The following MAGI2 variants were observed in gnomAD, a reference collection of about 807,000 sequenced individuals.
MAGI2 encodes the protein membrane associated guanylate kinase, WW and PDZ domain containing 2.
Under a neutral mutation model 133.3 loss-of-function variants are expected in MAGI2, and 35 were observed. That is an observed-to-expected ratio of 0.26 (90% CI 0.20 to 0.35). MAGI2 has a LOEUF of 0.35. MAGI2 is among the 10% of genes least tolerant of loss of function. MAGI2 has a pLI of 1.00. For synonymous variants in MAGI2, 729 were observed against 710.6 expected, an observed-to-expected ratio of 1.03 and a Z score of -0.41; for missense variants, 1,636 against 1,863.4, an observed-to-expected ratio of 0.88 and a Z score of 2.25.
intron 6 of MAGI2, among the ~76,000 whole-genome samples, chr7:78,418,678 C>T (rs2151394678): frequency 6.6e-6 from 1 of 152,198 alleles, no homozygotes; most frequent in African/African-American, 2.4e-5. Flanking sequence ...GCTATGAAAA[C>T]CAATCTCCTT....
intron 2 of MAGI2, among the ~76,000 whole-genome samples, chr7:78,757,318 T>C (rs1364443384): frequency 6.6e-6 from 1 of 150,592 alleles, no homozygotes; most frequent in Non-Finnish European, 1.5e-5. Context: ...TCTCTCTCTC[T>C]CTCTCTCTCC....
At chr7:78,267,035 C>A (rs553158183) in intron 9 of MAGI2, among the ~76,000 whole-genome samples, 1 of 152,236 alleles carries the variant, frequency 6.6e-6, no homozygotes, top group South Asian at 2.1e-4. Flanking sequence ...GCTGCTTGGT[C>A]GGAGAAGTGC....
At chr7:78,975,295 T>G (rs1804150164) in intron 2 of MAGI2, among the ~76,000 whole-genome samples, 1 of 151,758 alleles carries the variant, frequency 6.6e-6, no homozygotes, top group Non-Finnish European at 1.5e-5. Flanking sequence ...AAATGCACTT[T>G]AATAAAATGA....
intron 2 of MAGI2, among the ~76,000 whole-genome samples, chr7:78,644,974 G>T (rs565401418): frequency 5.3e-5 from 8 of 152,170 alleles, no homozygotes; most frequent in African/African-American, 1.7e-4. Context: ...GATATTAATG[G>T]TATATTATAA....
intron 2 of MAGI2, among the ~76,000 whole-genome samples, chr7:78,786,116 G>T (rs1275549129): frequency 6.6e-6 from 1 of 151,450 alleles, no homozygotes; most frequent in Non-Finnish European, 1.5e-5. Context: ...CTGTTAAAAG[G>T]AGCTCCATGT....
intron 2 of MAGI2, among the ~76,000 whole-genome samples, chr7:78,764,986 A>G (rs941905521): frequency 3.3e-5 from 5 of 152,232 alleles, no homozygotes; most frequent in African/African-American, 1.2e-4. Flanking sequence ...CTAAAGGATG[A>G]TCAGAGTGGG....
chr7:78,965,799 T>C (rs1803259985), intron 2 of MAGI2, among the ~76,000 whole-genome samples: 1 of 152,086 alleles, frequency 6.6e-6, no homozygotes, highest in Non-Finnish European at 1.5e-5. Flanking sequence ...CTTGAGCTTT[T>C]AAAATAACTC....
chr7:78,272,443 A>T (rs1262625299), intron 9 of MAGI2, among the ~76,000 whole-genome samples: 2 of 152,184 alleles, frequency 1.3e-5, no homozygotes, highest in Admixed American at 6.5e-5. Context: ...AGTTCTGTAG[A>T]TGTCTATTAG....
At chr7:78,835,779 TG>T (rs1268491537) in intron 2 of MAGI2, among the ~76,000 whole-genome samples, 1 of 152,214 alleles carries the variant, frequency 6.6e-6, no homozygotes, top group Non-Finnish European at 1.5e-5. Flanking sequence ...AATACATTTA[TG>T]GTTCCATTTT....
chr7:78,918,640 T>C (rs1563662323), intron 2 of MAGI2, among the ~76,000 whole-genome samples: 1 of 152,322 alleles, frequency 6.6e-6, no homozygotes, highest in Non-Finnish European at 1.5e-5. Context: ...ACACAATAGA[T>C]ATCAACTTTG....
chr7:78,256,978 T>A (rs545348992), intron 9 of MAGI2, among the ~76,000 whole-genome samples: 1 of 152,202 alleles, frequency 6.6e-6, no homozygotes, highest in African/African-American at 2.4e-5. Context: ...TCATGAGTTT[T>A]AGACGAAAAA....
chr7:79,283,146 G>A (rs1205987996), intron 1 of MAGI2, among the ~76,000 whole-genome samples: 1 of 152,004 alleles, frequency 6.6e-6, no homozygotes, highest in Non-Finnish European at 1.5e-5. Flanking sequence ...AAATCTGTAG[G>A]ATTATGTTCC....
chr7:78,260,290 T>C (rs1356232092), intron 9 of MAGI2, among the ~76,000 whole-genome samples: 1 of 152,172 alleles, frequency 6.6e-6, no homozygotes, highest in East Asian at 1.9e-4. Context: ...ATAAGACACC[T>C]GGTATATGTC....
rs182676913 is a variant in MAGI2, at chr7:79,140,836, C to T, written c.302-133630G>A. 3.0e-3 allele frequency among the ~76,000 whole-genome samples: 462 copies of T among 151,824 alleles called. 3 individuals carry two copies. The highest frequency in any genetic ancestry group is 0.011 in the African/African-American group (437 of 41,498). ...TATGTAATCACAATGTAAAAAATTA[C>T]GAGATTATTTTAAGATATTTTAAAT... On this transcript the variant is annotated intron_variant, in intron 1 of 21. Coordinates refer to ENST00000354212, the MANE Select transcript of MAGI2 (RefSeq NM_012301.4).
At chr7:78,522,577 G>T (rs1193694788) in intron 3 of MAGI2, among the ~76,000 whole-genome samples, 1 of 152,054 alleles carries the variant, frequency 6.6e-6, no homozygotes, top group Admixed American at 6.6e-5. Context: ...ATAGGGTTTT[G>T]CCATGTTGCC....
In MAGI2 at chr7:78,430,332, C is replaced by T. The variant is rs141674400; in HGVS notation, c.1045+59429G>A. On this transcript the variant is annotated intron_variant, in intron 6 of 21. Coordinates refer to ENST00000354212, the MANE Select transcript of MAGI2 (RefSeq NM_012301.4). The stretch of plus-strand genomic sequence containing the variant: ...AATTAAAAGCCTGCATGTAAATATG[C>T]ATATATATTCTACAGCTAAAAAATT... Among the ~76,000 whole-genome samples the T allele has an allele frequency of 1.6e-3, 219 of 136,236 alleles. 2 individuals are homozygous for T. Among genetic ancestry groups the T allele is most frequent in the African/African-American group, 5.7e-3 (203 of 35,538 alleles). The allele number at this position is 136,236 out of a possible 152,430, so 89.4% of individuals were successfully genotyped here. A position where few individuals can be genotyped will look rare whatever the true frequency, so the allele number is the denominator to read the frequency against.
intron 2 of MAGI2, among the ~76,000 whole-genome samples, chr7:78,918,801 A>C (rs72611102): frequency 0.046 from 7,023 of 152,208 alleles, 378 homozygotes; most frequent in East Asian, 0.17. Flanking sequence ...TTAAGGCCCA[A>C]ATAATTGCAT....
At chr7:79,036,887 G>A (rs1811177047) in intron 1 of MAGI2, among the ~76,000 whole-genome samples, 1 of 152,146 alleles carries the variant, frequency 6.6e-6, no homozygotes, top group Non-Finnish European at 1.5e-5. Flanking sequence ...AACAAATTGA[G>A]CAGTTTCAGA....
chr7:79,322,596 G>C (rs983193863), intron 1 of MAGI2, among the ~76,000 whole-genome samples: 1 of 151,890 alleles, frequency 6.6e-6, no homozygotes, highest in Non-Finnish European at 1.5e-5. Flanking sequence ...GACCAGCCTG[G>C]TCAACATGGT....
Sources: gnomAD v4.1 joint callset for allele counts (sites outside exome capture counted in the v4.1 genomes callset) on GRCh38, gnomAD v4.1.1 for gene constraint, MANE v1.5 for transcripts, NCBI Gene and HGNC (gene_info 2026-07-23, HGNC 2026-07-21) for gene names.